The following WWC1 variants were observed in gnomAD, a reference collection of about 807,000 sequenced individuals.
WWC1 encodes protein KIBRA.
In WWC1, 55 loss-of-function variants were observed where a neutral mutation model predicts 138.4. The observed-to-expected ratio is 0.40, with a 90% CI of 0.32 to 0.50. The LOEUF is 0.50. Among genes scored for constraint, WWC1 ranks in the 20% least tolerant of loss-of-function variants. The pLI is 0.72. For missense variants in WWC1, 1,226 were observed against 1,420.4 expected, an observed-to-expected ratio of 0.86 and a Z score of 2.20; for synonymous variants, 524 against 564.9, an observed-to-expected ratio of 0.93 and a Z score of 1.03.
At chr5:168,454,575 C>A (rs997851158) in intron 18 of WWC1, among the ~76,000 whole-genome samples, 1 of 152,194 alleles carries the variant, frequency 6.6e-6, no homozygotes, top group Non-Finnish European at 1.5e-5. Context: ...GCACTAGGGT[C>A]ACATTACAGC....
rs557483978 is a variant in WWC1 at position 168,455,534 on chromosome 5, C to T, written c.2823+14C>T. 8 of 1,610,050 alleles carry T rather than the reference C, an allele frequency of 5.0e-6. No individual in the cohort carries two copies. The African/African-American group carries it at 5.3e-5, about 11-fold the overall frequency. ...TACGTGTGCCGGGTAAGTGAGCGTG[C>T]GGCCCTCTTCTGCTCCCCTCAGGGT... On this transcript the variant is annotated intron_variant, in intron 19 of 22. Transcript: ENST00000265293.
At chr5:168,454,570 A>T (rs529545412) in intron 18 of WWC1, among the ~76,000 whole-genome samples, 1 of 152,296 alleles carries the variant, frequency 6.6e-6, no homozygotes, top group Non-Finnish European at 1.5e-5. Flanking sequence ...CTGCTGCACT[A>T]GGGTCACATT....
intron 10 of WWC1, among the ~76,000 whole-genome samples, chr5:168,422,416 C>T (rs112523787): frequency 7.9e-5 from 12 of 152,254 alleles, no homozygotes; most frequent in African/African-American, 2.9e-4. Context: ...ATCGCTTCAG[C>T]TCAGGAGTTT....
intron 3 of WWC1, among the ~76,000 whole-genome samples, chr5:168,393,461 G>C (rs1021925859): frequency 6.6e-6 from 1 of 152,184 alleles, no homozygotes; most frequent in Admixed American, 6.5e-5. Context: ...AGACCATGGT[G>C]CAATGCCCTC....
At chr5:168,437,824 A>G (rs905821732) in intron 15 of WWC1, among the ~76,000 whole-genome samples, 2 of 152,110 alleles carry the variant, frequency 1.3e-5, no homozygotes, top group African/African-American at 2.4e-5. Context: ...TACCTCACAC[A>G]TGGCCTGGCA....
chr5:168,441,896 G>T, intron 16 of WWC1, 62 bp downstream of exon 16: 1 of 1,563,914 alleles, frequency 6.4e-7, no homozygotes, highest in Non-Finnish European at 8.7e-7. Context: ...GGAAGGGAAA[G>T]CCTCTCCCAG....
intron 1 of WWC1, among the ~76,000 whole-genome samples, chr5:168,366,087 T>C (rs1776267851): frequency 6.6e-6 from 1 of 152,206 alleles, no homozygotes; most frequent in Non-Finnish European, 1.5e-5. Context: ...GTGAAACATT[T>C]CAGGCCAGTG....
At chr5:168,430,907 G>T (rs1216148903) in intron 14 of WWC1, among the ~76,000 whole-genome samples, 1 of 152,232 alleles carries the variant, frequency 6.6e-6, no homozygotes. Flanking sequence ...GGACAAAACG[G>T]AAGGAAGACA....
At chr5:168,359,113 T>C (rs1775690537) in intron 1 of WWC1, among the ~76,000 whole-genome samples, 1 of 151,844 alleles carries the variant, frequency 6.6e-6, no homozygotes, top group African/African-American at 2.4e-5. Flanking sequence ...TGGAGTGCAG[T>C]GGCACGATCT....
chr5:168,422,564 G>A (rs376102207), intron 10 of WWC1, among the ~76,000 whole-genome samples: 4 of 152,034 alleles, frequency 2.6e-5, no homozygotes, highest in African/African-American at 7.2e-5. Flanking sequence ...ACCGTGAGCC[G>A]AGATTGTGCT....
At chr5:168,334,680 A>G (rs993358297) in intron 1 of WWC1, among the ~76,000 whole-genome samples, 1 of 152,182 alleles carries the variant, frequency 6.6e-6, no homozygotes, top group Non-Finnish European at 1.5e-5. Context: ...GCTGTTTACC[A>G]CAAAACTGTA....
At position 168,292,383 on chromosome 5, in the gene WWC1, T is replaced by C; in HGVS notation, c.119+112T>C. 1 of 1,288,252 alleles carries C rather than the reference T, an allele frequency of 7.8e-7. No homozygotes were observed. Among genetic ancestry groups the C allele is most frequent in the South Asian group, 1.4e-5 (1 of 71,914 alleles). The allele number at this position is 1,288,252 out of a possible 1,614,324, so 79.8% of individuals were successfully genotyped here. On this transcript the variant is annotated intron_variant, in intron 1 of 22. Coordinates refer to ENST00000265293, the MANE Select transcript of WWC1 (RefSeq NM_015238.3). This position sits in a 1 kb window ranked among gnomAD's most constrained non-coding sequence, Gnocchi z 4.4. ...GGGCAGGGGAGCTCTGCGTGCCTCT[T>C]GAGCTCTCTTCAGTTCGCCACCCCC...
chr5:168,449,570 C>CTTTTTTTT (rs10636051), intron 17 of WWC1, among the ~76,000 whole-genome samples: 4 of 90,734 alleles, frequency 4.4e-5, no homozygotes, highest in Non-Finnish European at 6.1e-5. Flanking sequence ...TTTAACAGCT[C>CTTTTTTTT]TTTTTTTTTT....
At chr5:168,411,121 G>A (rs1780207625) in intron 8 of WWC1, among the ~76,000 whole-genome samples, 1 of 151,872 alleles carries the variant, frequency 6.6e-6, no homozygotes, top group South Asian at 2.1e-4. Flanking sequence ...TAGAGACGGG[G>A]TTTCACCGTG....
Position 168,418,469 on chromosome 5 carries a change from ATCCTCTGC to A in WWC1, c.1185-3538_1185-3531del, listed in dbSNP as rs1384285753. ...TGGGGACTCCAGCCCCACCTTCTGGATCCTCTGCCTGCCTCCATGCTTGATGCGTTCTT... is the reference window on the plus strand; with the variant it reads ...TGGGGACTCCAGCCCCACCTTCTGGACTGCCTCCATGCTTGATGCGTTCTT... On this transcript the variant is annotated intron_variant, in intron 9 of 22. Coordinates refer to ENST00000265293, the MANE Select transcript of WWC1 (RefSeq NM_015238.3). Among the ~76,000 whole-genome samples the A allele has an allele frequency of 2.0e-5, 3 of 152,088 alleles. No homozygotes were observed. The East Asian group carries it at 5.8e-4, about 29-fold the overall frequency.
chr5:168,449,163 G>A (rs12523021), intron 17 of WWC1, among the ~76,000 whole-genome samples: 15,472 of 151,228 alleles, frequency 0.1, 1,671 homozygotes, highest in East Asian at 0.27. Flanking sequence ...ATTTTTTTCC[G>A]CTTTGCCACT....
At chr5:168,299,374 G>A (rs1358801123) in intron 1 of WWC1, among the ~76,000 whole-genome samples, 1 of 152,244 alleles carries the variant, frequency 6.6e-6, no homozygotes, top group Non-Finnish European at 1.5e-5. Flanking sequence ...CAGCTTAGGA[G>A]ACTGTTTGGC....
At chr5:168,405,358 G>A (rs904574021) in intron 5 of WWC1, among the ~76,000 whole-genome samples, 8 of 152,166 alleles carry the variant, frequency 5.3e-5, no homozygotes, top group Non-Finnish European at 2.9e-5. Flanking sequence ...ATCTTGTGGG[G>A]TGAGGCCAGG....
At chr5:168,373,480 A>G (rs1268932604) in intron 2 of WWC1, among the ~76,000 whole-genome samples, 1 of 152,088 alleles carries the variant, frequency 6.6e-6, no homozygotes, top group Non-Finnish European at 1.5e-5. Context: ...AGATGGAGCC[A>G]TTGATAGCAA....
Sources: allele counts gnomAD v4.1 joint callset (sites outside exome capture counted in the v4.1 genomes callset), GRCh38; gene constraint gnomAD v4.1.1; non-coding constraint Gnocchi (gnomAD v3.1); transcripts MANE v1.5; gene names NCBI Gene and HGNC (gene_info 2026-07-23, HGNC 2026-07-21).